Variants in KLRG1 observed in about 807,000 individuals in gnomAD.
KLRG1 encodes killer cell lectin-like receptor subfamily G member 1.
A neutral mutation model predicts 21.8 loss-of-function variants in KLRG1; 16 were observed. The ratio of observed to expected loss-of-function variants is 0.73; its 90% CI spans 0.50 to 1.11. The LOEUF (loss-of-function observed/expected upper bound fraction) is 1.11, where lower values mean the gene tolerates loss of function less well. Among genes scored for constraint, KLRG1 ranks in the 50% most tolerant of loss-of-function variants. The pLI, the probability that KLRG1 is intolerant of heterozygous loss-of-function variation, is 0.00. For synonymous variants in KLRG1, 69 were observed against 75.9 expected, an observed-to-expected ratio of 0.91 and a Z score of 0.47; for missense variants, 173 against 218.3, an observed-to-expected ratio of 0.79 and a Z score of 1.31.
At chr12:9,178,369 A>C in the KLRG1 span, among the ~76,000 whole-genome samples, 2 of 152,086 alleles carry the variant, frequency 1.3e-5, no homozygotes, top group Admixed American at 6.6e-5. Flanking sequence ...CAGTTACAAG[A>C]TTGTCACAGT....
chr12:9,109,701 ATTCAC>A, the KLRG1 span, among the ~76,000 whole-genome samples: 17 of 152,222 alleles, frequency 1.1e-4, no homozygotes, highest in Non-Finnish European at 2.2e-4. Flanking sequence ...GTGAAGTCCT[ATTCAC>A]AGATCACTGA....
the KLRG1 span, chr12:9,079,860 C>A: frequency 1.4e-6 from 2 of 1,471,112 alleles, no homozygotes; most frequent in Non-Finnish European, 1.8e-6. Context: ...TGGAGATTAT[C>A]ATCTATCAAA....
At chr12:9,033,060 T>G in the KLRG1 span, among the ~76,000 whole-genome samples, 1 of 152,176 alleles carries the variant, frequency 6.6e-6, no homozygotes, top group Admixed American at 6.5e-5. Flanking sequence ...GTGAATTGAT[T>G]TTGCCTGTGC....
At chr12:8,984,747 A>C (rs1946815067), upstream of KLRG1, among the ~76,000 whole-genome samples, 5 of 152,286 alleles carry the variant, frequency 3.3e-5, no homozygotes, top group Non-Finnish European at 7.3e-5. Flanking sequence ...TATGTTACAT[A>C]AGTTTCTTTT....
At chr12:9,184,243 C>G in the KLRG1 span, among the ~76,000 whole-genome samples, 1 of 152,206 alleles carries the variant, frequency 6.6e-6, no homozygotes, top group Non-Finnish European at 1.5e-5. Flanking sequence ...AGGCACTAAG[C>G]TCGCCAACCC....
chr12:9,048,656 A>G, the KLRG1 span, among the ~76,000 whole-genome samples: 5 of 152,348 alleles, frequency 3.3e-5, no homozygotes, highest in East Asian at 9.6e-4. Flanking sequence ...GACAAATTCA[A>G]CACTCATTCT....
chr12:8,960,709 C>T (rs915625765), intron 1 of KLRG1, among the ~76,000 whole-genome samples: 3 of 152,190 alleles, frequency 2.0e-5, no homozygotes, highest in African/African-American at 7.2e-5. Context: ...CCTTAGAATA[C>T]AGAAATAGTG....
chr12:9,028,182 G>C, the KLRG1 span: 1 of 612,608 alleles, frequency 1.6e-6, no homozygotes, highest in South Asian at 1.8e-5. Flanking sequence ...ACAGAGTCTG[G>C]CTCTTGTCAC....
chr12:9,121,405 G>A, the KLRG1 span, among the ~76,000 whole-genome samples: 3 of 152,078 alleles, frequency 2.0e-5, no homozygotes. This position sits in a 1 kb window ranked among gnomAD's most constrained non-coding sequence, Gnocchi z 4.4. Context: ...GCTGGGTGTG[G>A]TGGCGTGCGC....
intron 1 of KLRG1, among the ~76,000 whole-genome samples, chr12:8,955,667 C>T (rs765148976): frequency 4.6e-5 from 7 of 151,966 alleles, no homozygotes; most frequent in South Asian, 4.2e-4. Context: ...GCTGAGATTA[C>T]AGGCATGAGC....
chr12:8,979,418 T>C (rs770709029), intron 1 of KLRG1, among the ~76,000 whole-genome samples: 1 of 152,340 alleles, frequency 6.6e-6, no homozygotes, highest in East Asian at 1.9e-4. Flanking sequence ...CCTCCTGGCA[T>C]ATAAGGTTTC....
the KLRG1 span, chr12:9,110,264 C>T: frequency 7.3e-7 from 1 of 1,364,648 alleles, no homozygotes. Flanking sequence ...AGAACATTTT[C>T]CCTATATGTA....
the KLRG1 span, among the ~76,000 whole-genome samples, chr12:9,170,778 T>C: frequency 1.3e-5 from 2 of 152,284 alleles, no homozygotes; most frequent in South Asian, 4.1e-4. The surrounding 1 kb of genome is among the most constrained non-coding windows in gnomAD (Gnocchi z 4.6). Flanking sequence ...TTCCTCCTCA[T>C]CGAGTGGGAC....
chr12:9,126,163 G>A, the KLRG1 span, among the ~76,000 whole-genome samples: 1 of 152,200 alleles, frequency 6.6e-6, no homozygotes. Context: ...GCAAAAGTAT[G>A]TAGAAATATT....
the KLRG1 span, among the ~76,000 whole-genome samples, chr12:9,062,161 A>T: frequency 6.9e-6 from 1 of 145,594 alleles, no homozygotes. Flanking sequence ...ATAAAAAATC[A>T]CCTGACACAA....
At chr12:9,099,339 C>A in the KLRG1 span, 2 of 1,522,764 alleles carry the variant, frequency 1.3e-6, no homozygotes, top group East Asian at 4.9e-5. Flanking sequence ...ATAGTAACTT[C>A]TAGTTTTACA....
rs1024839647 is a variant in KLRG1 at position 9,009,211 on chromosome 12, G to C, written c.458+136G>C. The C allele has an allele frequency of 1.2e-5, 10 of 831,790 alleles. No individual in the cohort carries two copies. In the African/African-American group the frequency reaches 1.8e-4, roughly 15 times the overall value. The allele number at this position is 831,790 out of a possible 1,614,324, so 51.5% of individuals were successfully genotyped here. A position where few individuals can be genotyped will look rare whatever the true frequency, so the allele number is the denominator to read the frequency against. Reference sequence around the variant, plus strand: ...GAAAAGGAGAGGAAATAGGGAACAAGGAAGGGAATGAACAATGGGTAAGGG... The same window carrying C: ...GAAAAGGAGAGGAAATAGGGAACAACGAAGGGAATGAACAATGGGTAAGGG... On this transcript the variant is annotated intron_variant, in intron 4 of 4. Coordinates refer to ENST00000356986, the MANE Select transcript of KLRG1 (RefSeq NM_005810.4).
the KLRG1 span, among the ~76,000 whole-genome samples, chr12:9,134,504 A>G: frequency 1.3e-5 from 2 of 152,162 alleles, no homozygotes; most frequent in Non-Finnish European, 2.9e-5. Context: ...AACATTGTAG[A>G]GCAAATCTCC....
At position 8,992,279 on chromosome 12, in the gene KLRG1, T is replaced by C. The variant is rs376787305; in HGVS notation, c.156T>C (p.Ser52=). 1 of 1,613,740 alleles carries C rather than the reference T, an allele frequency of 6.2e-7. No individual in the cohort carries two copies. The highest frequency in any genetic ancestry group is 1.3e-5 in the African/African-American group (1 of 74,934). ...ALGLLTAVLL[S]VLLYQWILCQ... ...GGCTTCTGACTGCAGTTCTTCTGAG[T>C]GTGCTGCTATACCAGTGGATCCTGT... The change falls in exon 2 of 5, where the codon AGT becomes AGC. Residue 52 remains serine, a synonymous_variant. Coordinates refer to ENST00000356986, the MANE Select transcript of KLRG1 (RefSeq NM_005810.4).
Sources: allele counts gnomAD v4.1 joint callset (sites outside exome capture counted in the v4.1 genomes callset), GRCh38; gene constraint gnomAD v4.1.1; non-coding constraint Gnocchi (gnomAD v3.1); transcripts MANE v1.5; gene names NCBI Gene and HGNC (gene_info 2026-07-23, HGNC 2026-07-21).